Variants in REEP5 observed in about 807,000 individuals in gnomAD.
REEP5 encodes receptor accessory protein 5.
In REEP5, 24 loss-of-function variants were observed where a neutral mutation model predicts 22.4. The ratio of observed to expected loss-of-function variants is 1.07; its 90% CI spans 0.78 to 1.51. The LOEUF (loss-of-function observed/expected upper bound fraction) is 1.51, where lower values mean the gene tolerates loss of function less well. REEP5 is among the 40% of genes most tolerant of loss of function. The pLI is 0.00. For missense variants in REEP5, 252 were observed against 233.0 expected, an observed-to-expected ratio of 1.08 and a Z score of -0.53; for synonymous variants, 103 against 88.6, an observed-to-expected ratio of 1.16 and a Z score of -0.92.
intron 2 of REEP5, among the ~76,000 whole-genome samples, chr5:112,903,401 A>G (rs192258587): frequency 2.0e-5 from 3 of 152,334 alleles, no homozygotes; most frequent in African/African-American, 7.2e-5. Flanking sequence ...ATGCAAAGGC[A>G]TAAGATACAA....
At chr5:112,915,648 G>A (rs1769215684) in intron 2 of REEP5, among the ~76,000 whole-genome samples, 1 of 152,206 alleles carries the variant, frequency 6.6e-6, no homozygotes, top group Non-Finnish European at 1.5e-5. Context: ...CAGAATGCCT[G>A]TTATATTTTT....
intron 4 of REEP5, among the ~76,000 whole-genome samples, chr5:112,883,156 TA>T (rs1286581442): frequency 6.6e-6 from 1 of 152,278 alleles, no homozygotes; most frequent in Non-Finnish European, 1.5e-5. Context: ...TTCAGGACCA[TA>T]ATTCCTTCTT....
chr5:112,901,386 G>A (rs1302580257), intron 3 of REEP5, among the ~76,000 whole-genome samples: 2 of 152,168 alleles, frequency 1.3e-5, no homozygotes, highest in South Asian at 2.1e-4. Context: ...TGGTTATAAT[G>A]TAATCATGGA....
At chr5:112,909,797 G>A (rs1370999859) in intron 2 of REEP5, among the ~76,000 whole-genome samples, 1 of 152,130 alleles carries the variant, frequency 6.6e-6, no homozygotes, top group East Asian at 1.9e-4. Context: ...TGAAAGCAAA[G>A]GCAAGAACCA....
Position 112,892,908 on chromosome 5 carries a change from C to G in REEP5, c.352-5725G>C, listed in dbSNP as rs774201641. 2.5e-6 allele frequency: 4 copies of G among 1,608,592 alleles called. No individual in the cohort carries two copies. The South Asian group carries it at 4.4e-5, about 18-fold the overall frequency. On this transcript the variant is annotated intron_variant, in intron 3 of 4. Coordinates refer to ENST00000379638, the MANE Select transcript of REEP5 (RefSeq NM_005669.5). ...GCACATCAAAGAGTCGGGAGAGGCA[C>G]AATTCACCAAGCAGAGGAAGAAATA...
intron 2 of REEP5, among the ~76,000 whole-genome samples, chr5:112,918,676 A>G (rs1208934453): frequency 6.6e-6 from 1 of 152,194 alleles, no homozygotes; most frequent in Admixed American, 6.5e-5. Flanking sequence ...ATCCAAGGCA[A>G]TCAGAAAATG....
At chr5:112,892,853 G>A (rs539743412) in intron 3 of REEP5, 7 of 1,613,478 alleles carry the variant, frequency 4.3e-6, no homozygotes, top group East Asian at 4.5e-5. Flanking sequence ...AGAAAAAAGA[G>A]TAGTCATAGG....
At chr5:112,882,621 C>G (rs1268221265) in intron 4 of REEP5, among the ~76,000 whole-genome samples, 1 of 152,242 alleles carries the variant, frequency 6.6e-6, no homozygotes, top group Admixed American at 6.5e-5. Flanking sequence ...CATTTACTCT[C>G]CAACTGTCCT....
At chr5:112,910,012 C>T (rs1769058203) in intron 2 of REEP5, among the ~76,000 whole-genome samples, 2 of 152,250 alleles carry the variant, frequency 1.3e-5, no homozygotes, top group East Asian at 3.9e-4. Context: ...TTATAAAAAA[C>T]AGCACTCTGA....
intron 2 of REEP5, among the ~76,000 whole-genome samples, chr5:112,910,437 G>T (rs948701213): frequency 6.6e-6 from 1 of 151,916 alleles, no homozygotes; most frequent in Non-Finnish European, 1.5e-5. Context: ...ACCTAAAATT[G>T]CTCTAAAAAA....
At position 112,892,160 on chromosome 5, in the gene REEP5, G is replaced by A. The variant is rs1768485570; in HGVS notation, c.352-4977C>T. 3.1e-6 allele frequency: 5 copies of A among 1,614,150 alleles called. No individual in the cohort carries two copies. In the South Asian group the frequency reaches 4.4e-5, roughly 14 times the overall value. The stretch of plus-strand genomic sequence containing the variant: ...GATTTCAGAGTAATGGAGAAGGATC[G>A]AGCTAATTGTCCCTTCTACAGTAAA... On this transcript the variant is annotated intron_variant, in intron 3 of 4. Transcript: ENST00000379638.
At chr5:112,907,191 C>G (rs1348186512) in intron 2 of REEP5, among the ~76,000 whole-genome samples, 1 of 152,214 alleles carries the variant, frequency 6.6e-6, no homozygotes, top group African/African-American at 2.4e-5. Context: ...CCCATGGCAA[C>G]AGGCAACAAT....
rs1284241977 is a variant in REEP5, at chr5:112,878,628, A to T, written c.*158T>A. 9.1e-7 allele frequency: 1 copy of T among 1,094,138 alleles called. No individual in the cohort carries two copies. Among genetic ancestry groups the T allele is most frequent in the Non-Finnish European group, 1.3e-6 (1 of 773,188 alleles). 67.8% of individuals were successfully genotyped at this position (1,094,138 alleles called of 1,614,324 possible). A position where few individuals can be genotyped will look rare whatever the true frequency, so the allele number is the denominator to read the frequency against. Reference sequence around the variant, plus strand: ...GTGCTCCCTATATATATAGACAGTAAAAGTAAGCAAAGAAACTTACAACAC... The same window carrying T: ...GTGCTCCCTATATATATAGACAGTATAAGTAAGCAAAGAAACTTACAACAC... On this transcript the variant is annotated 3_prime_UTR_variant, in exon 5 of 5. Transcript: ENST00000379638.
intron 3 of REEP5, among the ~76,000 whole-genome samples, chr5:112,887,757 A>G (rs1768305481): frequency 6.6e-6 from 1 of 152,140 alleles, no homozygotes; most frequent in Non-Finnish European, 1.5e-5. Context: ...TATTATTCCT[A>G]ACTCCTTCTT....
chr5:112,898,510 C>G (rs1768763621), intron 3 of REEP5: 1 of 152,202 alleles, frequency 6.6e-6, no homozygotes, highest in Non-Finnish European at 1.5e-5. Flanking sequence ...TATTTTGGAT[C>G]TTCTCTCTAC....
At position 112,890,541 on chromosome 5, in the gene REEP5, C is replaced by A. The variant is rs930709206; in HGVS notation, c.352-3358G>T. 1.3e-5 allele frequency among the ~76,000 whole-genome samples: 2 copies of A among 150,124 alleles called. 1 individual carries two copies. Among genetic ancestry groups the A allele is most frequent in the Admixed American group, 1.3e-4 (2 of 15,068 alleles). On this transcript the variant is annotated intron_variant, in intron 3 of 4. Transcript: ENST00000379638. ...TGCAGGCACGCACCATCACGTCTGG[C>A]TAATTTTTGTACTTTTTGTAGAGAT...
chr5:112,899,923 T>C (rs1768804112), intron 3 of REEP5, among the ~76,000 whole-genome samples: 2 of 152,220 alleles, frequency 1.3e-5, no homozygotes, highest in Non-Finnish European at 2.9e-5. Flanking sequence ...CCTTTGATCA[T>C]TATGTGGGCA....
At chr5:112,898,293 C>T (rs911267320) in intron 3 of REEP5, 2 of 152,198 alleles carry the variant, frequency 1.3e-5, no homozygotes, top group Admixed American at 6.5e-5. Context: ...TTTTGATTGA[C>T]AGCATCATGA....
At chr5:112,896,861 A>ATC (rs1768694147) in intron 3 of REEP5, 1 of 152,156 alleles carries the variant, frequency 6.6e-6, no homozygotes, top group Admixed American at 6.6e-5. Flanking sequence ...AACCTGGGAA[A>ATC]GAGGTTACAG....
Sources: gnomAD v4.1 joint callset for allele counts (sites outside exome capture counted in the v4.1 genomes callset) on GRCh38, gnomAD v4.1.1 for gene constraint, MANE v1.5 for transcripts, NCBI Gene and HGNC (gene_info 2026-07-23, HGNC 2026-07-21) for gene names.